ZNF782: variants seen among roughly 807,000 people sequenced by gnomAD.
The protein encoded by ZNF782 is zinc finger protein 782.
Under a neutral mutation model 13.0 loss-of-function variants are expected in ZNF782, and 12 were observed. That is an observed-to-expected ratio of 0.92 (90% CI 0.59 to 1.50). ZNF782 has a LOEUF of 1.50. ZNF782 is among the 40% of genes most tolerant of loss of function. ZNF782 has a pLI of 0.00. For missense variants in ZNF782, 770 were observed against 822.9 expected (o/e 0.94, Z 0.79); for synonymous variants, 284 against 283.0 (o/e 1.00, Z -0.04).
At position 96,818,496 on chromosome 9, in the gene ZNF782, A is replaced by G; in HGVS notation, c.1527T>C (p.Asp509=). ...TCAGTTTGAAAGCTTTCCCACATTCATCACATTTATATGGTCTTTCCCCTG... is the reference window on the plus strand; with the variant it reads ...TCAGTTTGAAAGCTTTCCCACATTCGTCACATTTATATGGTCTTTCCCCTG... ...THTGERPYKC[D]ECGKAFKLKS... The change falls in exon 6 of 6, where the codon GAT becomes GAC. Residue 509 remains aspartate, a synonymous_variant. Transcript: ENST00000481138. 6.2e-7 allele frequency: 1 copy of G among 1,613,924 alleles called. No individual in the cohort carries two copies.
the ZNF782 span, among the ~76,000 whole-genome samples, chr9:96,930,872 G>GTTTTTTTTTTTTTT: frequency 1.1e-4 from 8 of 72,726 alleles, 2 homozygotes; most frequent in Admixed American, 6.1e-4. Context: ...CCATCCAGTG[G>GTTTTTTTTTTTTTT]TTTTTTTTTT....
intron 5 of ZNF782, among the ~76,000 whole-genome samples, chr9:96,826,657 C>A (rs150250847): frequency 6.6e-6 from 1 of 152,182 alleles, no homozygotes; most frequent in Non-Finnish European, 1.5e-5. Context: ...CCTTGGCTGG[C>A]ATCTAGAAAC....
intron 1 of ZNF782, among the ~76,000 whole-genome samples, chr9:96,874,162 C>T (rs1851864114): frequency 6.6e-6 from 1 of 152,136 alleles, no homozygotes; most frequent in African/African-American, 2.4e-5. Context: ...ACATGGATGA[C>T]CTGGACCTGT....
chr9:96,845,724 A>C (rs1489487710), intron 3 of ZNF782, among the ~76,000 whole-genome samples: 5 of 152,254 alleles, frequency 3.3e-5, no homozygotes, highest in Admixed American at 6.5e-5. Context: ...AAACCTAAGA[A>C]TAATTGATGT....
chr9:96,817,891 AG>A lies in ZNF782; in HGVS notation c.*31del, dbSNP rs752667185. On this transcript the variant is annotated 3_prime_UTR_variant, in exon 6 of 6. Coordinates refer to ENST00000481138, the MANE Select transcript of ZNF782 (RefSeq NM_001001662.3). ...TATTGTGAGGTTTGATTTCCAGCTCAGAGTTTTTTCGTATTCTTTATATGCA... is the reference window on the plus strand; with the variant it reads ...TATTGTGAGGTTTGATTTCCAGCTCAAGTTTTTTCGTATTCTTTATATGCA... The A allele has an allele frequency of 1.3e-5, 20 of 1,515,454 alleles. No individual in the cohort carries two copies. The South Asian group carries it at 2.3e-4, about 18-fold the overall frequency. The allele number at this position is 1,515,454 out of a possible 1,614,324, so 93.9% of individuals were successfully genotyped here.
intron 3 of ZNF782, among the ~76,000 whole-genome samples, chr9:96,848,614 T>C (rs1280657963): frequency 6.6e-6 from 1 of 152,000 alleles, no homozygotes; most frequent in Admixed American, 6.6e-5. Context: ...CCTAATAATA[T>C]ACTTAACCAA....
At chr9:96,884,786 A>G in the ZNF782 span, among the ~76,000 whole-genome samples, 4 of 152,206 alleles carry the variant, frequency 2.6e-5, no homozygotes, top group African/African-American at 9.6e-5. Context: ...CTGAACAAAC[A>G]CACCCACCTG....
At chr9:96,917,406 G>A in the ZNF782 span, among the ~76,000 whole-genome samples, 1 of 151,892 alleles carries the variant, frequency 6.6e-6, no homozygotes, top group Non-Finnish European at 1.5e-5. Context: ...ATAGGCGACT[G>A]ATTCTAAATC....
intron 3 of ZNF782, 134 bp from the exon 4 acceptor site, chr9:96,845,150 A>T: frequency 1.9e-6 from 2 of 1,064,418 alleles, no homozygotes; most frequent in Non-Finnish European, 2.7e-6. Context: ...TTAAGGCCCT[A>T]ATTCTGCCTT....
At chr9:96,823,584 C>T (rs1850498862) in intron 5 of ZNF782, among the ~76,000 whole-genome samples, 1 of 152,072 alleles carries the variant, frequency 6.6e-6, no homozygotes, top group Non-Finnish European at 1.5e-5. Flanking sequence ...AGTTTACAAA[C>T]AGAAGAGATA....
chr9:96,841,032 A>C (rs1377323649), intron 4 of ZNF782, among the ~76,000 whole-genome samples: 3 of 152,004 alleles, frequency 2.0e-5, no homozygotes, highest in Non-Finnish European at 2.9e-5. Context: ...TAAAAGAGCA[A>C]GAAGACAGAA....
chr9:96,924,545 T>TTGTA, the ZNF782 span, among the ~76,000 whole-genome samples: 2 of 124,528 alleles, frequency 1.6e-5, no homozygotes, highest in African/African-American at 3.1e-5. Flanking sequence ...GTGAACAGAC[T>TTGTA]ATGAGTAAAG....
At chr9:96,906,159 TTAA>T in the ZNF782 span, among the ~76,000 whole-genome samples, 5 of 152,250 alleles carry the variant, frequency 3.3e-5, no homozygotes, top group Non-Finnish European at 7.3e-5. Flanking sequence ...TGGGTGTATA[TTAA>T]TAATAATGTA....
chr9:96,914,279 G>A, the ZNF782 span, among the ~76,000 whole-genome samples: 2 of 151,286 alleles, frequency 1.3e-5, no homozygotes, highest in Admixed American at 1.3e-4. Context: ...GCATCACCAT[G>A]CCAGGCTAAT....
At chr9:96,872,983 G>C (rs1160046257) in intron 1 of ZNF782, among the ~76,000 whole-genome samples, 1 of 152,142 alleles carries the variant, frequency 6.6e-6, no homozygotes, top group Non-Finnish European at 1.5e-5. Context: ...TAGAATTAAA[G>C]TTGTTGTACA....
chr9:96,907,950 T>A, the ZNF782 span, among the ~76,000 whole-genome samples: 1 of 151,758 alleles, frequency 6.6e-6, no homozygotes, highest in Non-Finnish European at 1.5e-5. Flanking sequence ...CTTGATAGTG[T>A]CTTAAAATTG....
intron 3 of ZNF782, among the ~76,000 whole-genome samples, chr9:96,846,581 G>GT (rs1352841647): frequency 1.3e-5 from 2 of 151,690 alleles, no homozygotes; most frequent in Non-Finnish European, 2.9e-5. Flanking sequence ...AAGAAAATCA[G>GT]TAAAAAAAAG....
At chr9:96,863,157 G>C (rs1182706564) in intron 1 of ZNF782, among the ~76,000 whole-genome samples, 1 of 152,010 alleles carries the variant, frequency 6.6e-6, no homozygotes, top group African/African-American at 2.4e-5. Flanking sequence ...TATTTATAAT[G>C]GTCTCTTTTT....
the ZNF782 span, chr9:96,887,286 A>AAGG: frequency 8.2e-6 from 1 of 121,886 alleles, no homozygotes; most frequent in Non-Finnish European, 1.7e-5. Flanking sequence ...TGCAAAAAAG[A>AAGG]AAGGAAGGAA....
Sources: allele counts gnomAD v4.1 joint callset (sites outside exome capture counted in the v4.1 genomes callset), GRCh38; gene constraint gnomAD v4.1.1; transcripts MANE v1.5; gene names NCBI Gene and HGNC (gene_info 2026-07-23, HGNC 2026-07-21).